Variants in COX10 observed in about 807,000 individuals in gnomAD.
COX10 encodes the protein cytochrome c oxidase assembly factor heme A:farnesyltransferase COX10.
Under a neutral mutation model 37.3 loss-of-function variants are expected in COX10, and 27 were observed. The observed-to-expected ratio is 0.72, with a 90% CI of 0.53 to 1.00. The LOEUF is 1.00. Ranked by LOEUF, COX10 falls within the 50% of genes least tolerant of loss-of-function variation. The pLI is 0.00. For synonymous variants in COX10, 222 were observed against 229.1 expected (o/e 0.97, Z 0.28); for missense variants, 475 against 563.2 (o/e 0.84, Z 1.59).
intron 4 of COX10, among the ~76,000 whole-genome samples, chr17:14,119,126 C>T (rs1916175119): frequency 6.6e-6 from 1 of 152,032 alleles, no homozygotes; most frequent in African/African-American, 2.4e-5. Context: ...CATTCAGTCG[C>T]AGTATTTGCT....
intron 6 of COX10, among the ~76,000 whole-genome samples, chr17:14,194,507 A>G (rs531979506): frequency 2.3e-4 from 35 of 152,040 alleles, no homozygotes; most frequent in Non-Finnish European, 3.8e-4. Context: ...GCTCACTGCA[A>G]CCTCCGCTTC....
At chr17:14,146,803 A>T (rs1165884758) in intron 4 of COX10, among the ~76,000 whole-genome samples, 1 of 152,190 alleles carries the variant, frequency 6.6e-6, no homozygotes, top group Admixed American at 6.6e-5. Context: ...AGGAAAAACA[A>T]TCTAATAATC....
Position 14,181,491 on chromosome 17 carries a change from G to T in COX10, c.696-10498G>T, listed in dbSNP as rs370988590. Among the ~76,000 whole-genome samples the T allele has an allele frequency of 1.1e-3, 169 of 151,846 alleles. 1 individual carries two copies. In the East Asian group the frequency reaches 0.024, roughly 21 times the overall value. ...AGCTGCCAGTCTCCAAAGCAGCAGA[G>T]ATGGATAGTTTTATTTCCCAGCTTC... On this transcript the variant is annotated intron_variant, in intron 5 of 6. Coordinates refer to ENST00000261643, the MANE Select transcript of COX10 (RefSeq NM_001303.4).
At chr17:14,079,848 A>G (rs567542749) in intron 3 of COX10, among the ~76,000 whole-genome samples, 1,839 of 26,684 alleles carry the variant, frequency 0.069, 32 homozygotes, top group African/African-American at 0.18. Context: ...CATTTTATAT[A>G]TATATATATA....
chr17:14,134,909 T>C (rs1258149192), intron 4 of COX10, among the ~76,000 whole-genome samples: 1 of 151,804 alleles, frequency 6.6e-6, no homozygotes, highest in Non-Finnish European at 1.5e-5. Context: ...CAGAACTGTA[T>C]AGTACAATAT....
intron 6 of COX10, among the ~76,000 whole-genome samples, chr17:14,201,572 G>T (rs1218111275): frequency 6.6e-6 from 1 of 152,202 alleles, no homozygotes; most frequent in Non-Finnish European, 1.5e-5. Context: ...CACAAAAAAG[G>T]AGGGCTTTTG....
intron 6 of COX10, among the ~76,000 whole-genome samples, chr17:14,198,845 G>A (rs1461894766): frequency 2.6e-5 from 4 of 152,076 alleles, no homozygotes; most frequent in African/African-American, 7.2e-5. Context: ...CCTTTATAAC[G>A]CTGCCTCGGT....
chr17:14,084,785 T>C (rs1031750313), intron 3 of COX10, among the ~76,000 whole-genome samples: 2 of 152,110 alleles, frequency 1.3e-5, no homozygotes, highest in Non-Finnish European at 2.9e-5. Flanking sequence ...CTCAGCCTTC[T>C]GAGTAGTTGG....
At chr17:14,083,239 T>C (rs1915338571) in intron 3 of COX10, among the ~76,000 whole-genome samples, 1 of 152,240 alleles carries the variant, frequency 6.6e-6, no homozygotes, top group Non-Finnish European at 1.5e-5. Flanking sequence ...TTCCTTCTGC[T>C]TATTCCATTT....
chr17:14,070,491 A>G (rs936302398), intron 1 of COX10, among the ~76,000 whole-genome samples: 29 of 152,164 alleles, frequency 1.9e-4, no homozygotes, highest in Admixed American at 1.8e-3. Context: ...CTTAGTGTAC[A>G]TTGTTTGCTC....
At position 14,077,131 on chromosome 17, in the gene COX10, C is replaced by T. The variant is rs936400927; in HGVS notation, c.499+75C>T. 8 of 1,438,042 alleles carry T rather than the reference C, an allele frequency of 5.6e-6. No homozygotes were observed. The African/African-American group carries it at 1.1e-4, about 21-fold the overall frequency. 89.1% of individuals were successfully genotyped at this position (1,438,042 alleles called of 1,614,324 possible). ...GAAACAAAAAGCTAATTTTATTTAC[C>T]ACCTGAAAAGAATAATTTGGAACTG... On this transcript the variant is annotated intron_variant, in intron 3 of 6. Coordinates refer to ENST00000261643, the MANE Select transcript of COX10 (RefSeq NM_001303.4).
At chr17:14,184,083 A>T (rs1905951651) in intron 5 of COX10, among the ~76,000 whole-genome samples, 1 of 152,192 alleles carries the variant, frequency 6.6e-6, no homozygotes, top group African/African-American at 2.4e-5. Flanking sequence ...CATCTTACAG[A>T]TGAAGAATCT....
chr17:14,152,098 AAAGT>A (rs1286577804), intron 4 of COX10, among the ~76,000 whole-genome samples: 5 of 152,202 alleles, frequency 3.3e-5, no homozygotes, highest in African/African-American at 1.2e-4. Flanking sequence ...GGCTCTGTTG[AAAGT>A]AAGAGAAGTT....
chr17:14,100,319 GC>G (rs1381016199), intron 3 of COX10, among the ~76,000 whole-genome samples: 2 of 152,012 alleles, frequency 1.3e-5, no homozygotes, highest in African/African-American at 4.8e-5. Context: ...CTCAGTGATA[GC>G]CCCCCCAAAT....
chr17:14,205,431 G>A (rs545214912), intron 6 of COX10, among the ~76,000 whole-genome samples: 70 of 152,294 alleles, frequency 4.6e-4, no homozygotes, highest in Middle Eastern at 3.4e-3. Flanking sequence ...TGCATTTGGA[G>A]TGGTGACTTT....
intron 4 of COX10, among the ~76,000 whole-genome samples, chr17:14,113,779 A>G (rs899299846): frequency 2.6e-5 from 4 of 152,188 alleles, no homozygotes; most frequent in Non-Finnish European, 4.4e-5. Context: ...ATGTGTTTAC[A>G]ATTATTTCTC....
chr17:14,178,772 T>A, intron 5 of COX10, among the ~76,000 whole-genome samples: 1 of 152,152 alleles, frequency 6.6e-6, no homozygotes, highest in Middle Eastern at 3.2e-3. Flanking sequence ...CCTTAGCCCC[T>A]AGGTCCTCCA....
chr17:14,205,106 G>A (rs1479536738), intron 6 of COX10, among the ~76,000 whole-genome samples: 2 of 151,726 alleles, frequency 1.3e-5, no homozygotes, highest in Non-Finnish European at 2.9e-5. Flanking sequence ...AACTTTCCCT[G>A]TCATTCTCAG....
chr17:14,102,656 A>G (rs1331707450), intron 4 of COX10, among the ~76,000 whole-genome samples: 2 of 152,170 alleles, frequency 1.3e-5, no homozygotes, highest in South Asian at 2.1e-4. Flanking sequence ...TTAACTATGC[A>G]TATTCAGCTA....
Sources: allele counts gnomAD v4.1 joint callset (sites outside exome capture counted in the v4.1 genomes callset), GRCh38; gene constraint gnomAD v4.1.1; transcripts MANE v1.5; gene names NCBI Gene and HGNC (gene_info 2026-07-23, HGNC 2026-07-21).